FBLN5: variants seen among roughly 807,000 people sequenced by gnomAD.
FBLN5 encodes the protein fibulin 5, also known as fibulin-5.
A neutral mutation model predicts 61.6 loss-of-function variants in FBLN5; 24 were observed. The ratio of observed to expected loss-of-function variants is 0.39; its 90% confidence interval spans 0.28 to 0.55. FBLN5 has a LOEUF of 0.55. Among genes scored for constraint, FBLN5 ranks in the 20% least tolerant of loss-of-function variants. FBLN5 has a pLI of 0.65. For synonymous variants in FBLN5, 213 were observed against 219.8 expected, an observed-to-expected ratio of 0.97 and a Z score of 0.27; for missense variants, 470 against 594.1, an observed-to-expected ratio of 0.79 and a Z score of 2.17.
chr14:91,882,931 C>G lies in FBLN5; in HGVS notation c.862+23G>C. 6.2e-7 allele frequency: 1 copy of G among 1,612,912 alleles called. No homozygotes were observed. Among genetic ancestry groups the G allele is most frequent in the Non-Finnish European group, 8.5e-7 (1 of 1,179,320 alleles). The stretch of plus-strand genomic sequence containing the variant: ...CTCCACCTCACACATACACCCCAGC[C>G]AGGCCCCTCCGGACAGCCTTACCTT... On this transcript the variant is annotated intron_variant, in intron 8 of 10. Coordinates refer to ENST00000342058, the MANE Select transcript of FBLN5 (RefSeq NM_006329.4). This position sits in a 1 kb window ranked among gnomAD's most constrained non-coding sequence, Gnocchi z 4.9.
intron 10 of FBLN5, among the ~76,000 whole-genome samples, chr14:91,875,468 G>T (rs185023686): frequency 6.6e-6 from 1 of 152,298 alleles, no homozygotes; most frequent in African/African-American, 2.4e-5. Context: ...GGAGTAGCAG[G>T]TGACCAACCA....
Position 91,919,201 on chromosome 14 carries a change from T to C in FBLN5, c.379+17746A>G, listed in dbSNP as rs58512410. Among the ~76,000 whole-genome samples the C allele has an allele frequency of 4.4e-3, 674 of 151,666 alleles. 5 individuals carry two copies. Among genetic ancestry groups the C allele is most frequent in the African/African-American group, 0.016 (649 of 41,304 alleles). On this transcript the variant is annotated intron_variant, in intron 4 of 10. Transcript: ENST00000342058. ...CAAAAATTAGCTGGGCATGGTGGCATGCACCTGTAATCCCAGCTACTTGGG... is the reference window on the plus strand; with the variant it reads ...CAAAAATTAGCTGGGCATGGTGGCACGCACCTGTAATCCCAGCTACTTGGG...
At position 91,895,903 on chromosome 14, in the gene FBLN5, T is replaced by G. The variant is rs1035342328; in HGVS notation, c.380-831A>C. 5.9e-5 allele frequency among the ~76,000 whole-genome samples: 9 copies of G among 151,474 alleles called. No homozygotes were observed. The East Asian group carries it at 1.7e-3, about 29-fold the overall frequency. On this transcript the variant is annotated intron_variant, in intron 4 of 10. Transcript: ENST00000342058. Reference sequence around the variant, plus strand: ...AATCTTTCGGTCTGAAGCTCTCCAGTCTTCGCTCCACTCCATAGTTCCTGG... The same window carrying G: ...AATCTTTCGGTCTGAAGCTCTCCAGGCTTCGCTCCACTCCATAGTTCCTGG...
chr14:91,918,033 A>C (rs912626715), intron 4 of FBLN5, among the ~76,000 whole-genome samples: 2 of 152,144 alleles, frequency 1.3e-5, no homozygotes, highest in Non-Finnish European at 1.5e-5. Flanking sequence ...AGAGATCAAT[A>C]TCCAGGCACC....
At chr14:91,941,892 C>T in intron 2 of FBLN5, 3 of 299,096 alleles carry the variant, frequency 1.0e-5, no homozygotes, top group Non-Finnish European at 2.0e-5. Flanking sequence ...TGGGGCCTAC[C>T]TGTCTTCATG....
chr14:91,871,167 TA>T (rs1290765918), intron 10 of FBLN5, among the ~76,000 whole-genome samples: 2 of 144,592 alleles, frequency 1.4e-5, no homozygotes, highest in South Asian at 4.3e-4. Flanking sequence ...ATAAAAGTTT[TA>T]AAAAACGTTT....
chr14:91,930,351 T>C (rs1468389103), intron 4 of FBLN5, among the ~76,000 whole-genome samples: 2 of 152,138 alleles, frequency 1.3e-5, no homozygotes, highest in South Asian at 4.2e-4. Flanking sequence ...GGGAAAGACT[T>C]GCAGCAAGGT....
chr14:91,913,479 C>G (rs1891047196), intron 4 of FBLN5, among the ~76,000 whole-genome samples: 1 of 152,200 alleles, frequency 6.6e-6, no homozygotes, highest in Non-Finnish European at 1.5e-5. Flanking sequence ...TTACTATCCT[C>G]TCACTCACCC....
At chr14:91,937,707 C>G (rs2056042741) in intron 3 of FBLN5, among the ~76,000 whole-genome samples, 1 of 152,144 alleles carries the variant, frequency 6.6e-6, no homozygotes, top group Non-Finnish European at 1.5e-5. Context: ...CTGCAGAGAG[C>G]CCCCACCAGC....
rs567929486 is a variant in FBLN5 at position 91,937,309 on chromosome 14, C to T, written c.125-108G>A. On this transcript the variant is annotated intron_variant, in intron 3 of 10. Transcript: ENST00000342058. ...GGCGTGGAGGAAGCACTCCCAAACA[C>T]CTAGGGTGGTCCCAACTCATCGCGG... 319 of 1,463,900 alleles carry T rather than the reference C, an allele frequency of 2.2e-4. No individual in the cohort carries two copies. In the African/African-American group the frequency reaches 4.3e-3, roughly 20 times the overall value. 90.7% of individuals were successfully genotyped at this position (1,463,900 alleles called of 1,614,324 possible).
At chr14:91,923,725 C>T (rs2055779856) in intron 4 of FBLN5, among the ~76,000 whole-genome samples, 1 of 152,144 alleles carries the variant, frequency 6.6e-6, no homozygotes. Flanking sequence ...TGTACACCCC[C>T]CTCCAAAACC....
intron 9 of FBLN5, among the ~76,000 whole-genome samples, chr14:91,880,316 C>CT (rs1889363741): frequency 6.6e-6 from 1 of 152,222 alleles, no homozygotes; most frequent in African/African-American, 2.4e-5. Context: ...CTGAATCACA[C>CT]TTTAACGAGA....
chr14:91,933,369 G>C (rs1270115368), intron 4 of FBLN5, among the ~76,000 whole-genome samples: 3 of 152,060 alleles, frequency 2.0e-5, no homozygotes, highest in Non-Finnish European at 4.4e-5. Context: ...CCACCTCCTG[G>C]GTTCAAGCAA....
At chr14:91,894,839 A>AT in intron 5 of FBLN5, 111 bp downstream of exon 5, 1 of 289,740 alleles carries the variant, frequency 3.5e-6, no homozygotes, top group South Asian at 3.2e-5. Context: ...CGCCCTCCCT[A>AT]GCAAAGAAAA....
intron 2 of FBLN5, among the ~76,000 whole-genome samples, chr14:91,940,929 G>A (rs1229819170): frequency 6.7e-6 from 1 of 150,356 alleles, no homozygotes; most frequent in East Asian, 1.9e-4. Context: ...CCCCATCTCT[G>A]TGTTTTTAGA....
chr14:91,898,796 CTTTT>C (rs35840279), intron 4 of FBLN5, among the ~76,000 whole-genome samples: 3 of 84,232 alleles, frequency 3.6e-5, no homozygotes, highest in South Asian at 4.3e-4. Flanking sequence ...TTCATTCATT[CTTTT>C]TTTTTTTTTT....
intron 1 of FBLN5, among the ~76,000 whole-genome samples, chr14:91,945,732 C>A (rs2056173316): frequency 6.6e-6 from 1 of 152,092 alleles, no homozygotes; most frequent in Non-Finnish European, 1.5e-5. Flanking sequence ...ATCGAGTCCC[C>A]AATCCAAAAA....
At chr14:91,870,478 C>T in intron 10 of FBLN5, 93 bp from the exon 11 acceptor site, 2 of 1,255,162 alleles carry the variant, frequency 1.6e-6, no homozygotes, top group Non-Finnish European at 2.3e-6. Context: ...GTCAGTCAAA[C>T]TGGCACCCCC....
chr14:91,917,575 C>CAAAAAAAAA (rs34458933), intron 4 of FBLN5, among the ~76,000 whole-genome samples: 10 of 63,470 alleles, frequency 1.6e-4, no homozygotes, highest in Admixed American at 2.5e-4. Context: ...GACTCCATCT[C>CAAAAAAAAA]AAAAAAAAAA....
Sources: gnomAD v4.1 joint callset for allele counts (sites outside exome capture counted in the v4.1 genomes callset) on GRCh38, gnomAD v4.1.1 for gene constraint, Gnocchi (gnomAD v3.1) non-coding constraint, MANE v1.5 for transcripts, NCBI Gene and HGNC (gene_info 2026-07-23, HGNC 2026-07-21) for gene names.